Variants in SSH2 observed in about 807,000 individuals in gnomAD.
SSH2 encodes slingshot protein phosphatase 2, also known as protein phosphatase Slingshot homolog 2.
Under a neutral mutation model 135.2 loss-of-function variants are expected in SSH2, and 37 were observed. The observed-to-expected ratio is 0.27, with a 90% CI of 0.21 to 0.36. SSH2 has a LOEUF of 0.36. Among genes scored for constraint, SSH2 ranks in the 10% least tolerant of loss-of-function variants. SSH2 has a pLI of 1.00. For synonymous variants in SSH2, 628 were observed against 646.2 expected (o/e 0.97, Z 0.43); for missense variants, 1,408 against 1,765.3 (o/e 0.80, Z 3.63).
rs1361747070 is a variant in SSH2 at position 29,766,840 on chromosome 17, C to A, written c.188+27054G>T. ...ATTACAGAGTAATGCAACATTCTGTCTCCTGTTAATCTGTAAAACACTAGG... is the reference window on the plus strand; with the variant it reads ...ATTACAGAGTAATGCAACATTCTGTATCCTGTTAATCTGTAAAACACTAGG... On this transcript the variant is annotated intron_variant, in intron 3 of 15. Coordinates refer to ENST00000540801, the MANE Select transcript of SSH2 (RefSeq NM_001282129.2). 4.1e-4 allele frequency among the ~76,000 whole-genome samples: 62 copies of A among 152,112 alleles called. 2 individuals are homozygous for A. The highest frequency in any genetic ancestry group is 4.1e-3 in the Admixed American group (62 of 15,262).
intron 3 of SSH2, among the ~76,000 whole-genome samples, chr17:29,743,357 G>C (rs2040636691): frequency 6.6e-6 from 1 of 151,988 alleles, no homozygotes; most frequent in Admixed American, 6.6e-5. Context: ...GAAGAGCACT[G>C]ACATTCAATA....
chr17:29,901,908 C>G (rs776619175), intron 1 of SSH2, among the ~76,000 whole-genome samples: 3 of 152,084 alleles, frequency 2.0e-5, no homozygotes, highest in Non-Finnish European at 4.4e-5. Context: ...CTCAGCCTCT[C>G]AAGTAGTAAG....
intron 11 of SSH2, among the ~76,000 whole-genome samples, chr17:29,658,372 G>T (rs2036877543): frequency 6.6e-6 from 1 of 151,948 alleles, no homozygotes; most frequent in South Asian, 2.1e-4. Flanking sequence ...GCTATTCACA[G>T]GTGCTATCAT....
At chr17:29,767,133 G>T (rs1177681932) in intron 3 of SSH2, among the ~76,000 whole-genome samples, 2 of 152,130 alleles carry the variant, frequency 1.3e-5, no homozygotes, top group Non-Finnish European at 2.9e-5. Context: ...ACACTGAAAA[G>T]ATCTGCCTAT....
intron 3 of SSH2, among the ~76,000 whole-genome samples, chr17:29,792,162 C>T (rs1272811928): frequency 6.6e-6 from 1 of 151,854 alleles, no homozygotes; most frequent in Non-Finnish European, 1.5e-5. Context: ...CTTGGCCTAC[C>T]AAAGTGCTGG....
intron 1 of SSH2, among the ~76,000 whole-genome samples, chr17:29,883,440 A>G (rs941294494): frequency 2.4e-4 from 36 of 152,240 alleles, no homozygotes; most frequent in African/African-American, 8.7e-4. Flanking sequence ...GCTAATCTCT[A>G]TAGTAGTCAG....
Position 29,676,892 on chromosome 17 carries a change from A to T in SSH2, c.549-7T>A. 1.9e-6 allele frequency: 3 copies of T among 1,612,750 alleles called. No homozygotes were observed. Among genetic ancestry groups the T allele is most frequent in the East Asian group, 4.5e-5 (2 of 44,834 alleles). ...CGTCGATACACTGAACCCACTAAGGACAAATGAGAACAAGACAAAAATCCA... is the reference window on the plus strand; with the variant it reads ...CGTCGATACACTGAACCCACTAAGGTCAAATGAGAACAAGACAAAAATCCA... On this transcript the variant is annotated splice_region_variant and splice_polypyrimidine_tract_variant and intron_variant, in intron 7 of 15. Transcript: ENST00000540801.
intron 3 of SSH2, among the ~76,000 whole-genome samples, chr17:29,724,528 C>CAAAAAAA (rs1174810786): frequency 2.0e-4 from 12 of 60,568 alleles, no homozygotes; most frequent in Admixed American, 2.7e-4. Context: ...AACTCTGTCT[C>CAAAAAAA]AAAAAAAAAA....
At chr17:29,771,493 A>C (rs1567964136) in intron 3 of SSH2, among the ~76,000 whole-genome samples, 1 of 152,200 alleles carries the variant, frequency 6.6e-6, no homozygotes, top group African/African-American at 2.4e-5. Context: ...TACATTAATG[A>C]TGGAAGTTCT....
At chr17:29,788,684 A>G (rs2042013262) in intron 3 of SSH2, among the ~76,000 whole-genome samples, 1 of 141,054 alleles carries the variant, frequency 7.1e-6, no homozygotes, top group African/African-American at 2.7e-5. Flanking sequence ...ATCTATCTCT[A>G]TGAGATACCC....
intron 1 of SSH2, among the ~76,000 whole-genome samples, chr17:29,906,688 T>C (rs2066659387): frequency 6.6e-6 from 1 of 151,736 alleles, no homozygotes; most frequent in African/African-American, 2.4e-5. Context: ...ACAACCCCAT[T>C]TAAAAAGTGG....
chr17:29,719,299 T>A (rs528865431), intron 3 of SSH2, among the ~76,000 whole-genome samples: 1 of 152,228 alleles, frequency 6.6e-6, no homozygotes, highest in African/African-American at 2.4e-5. Context: ...GGGAGTTGTG[T>A]GATGGTCATG....
rs1445750481 is a variant in SSH2, at chr17:29,632,186, G to A, written c.3008C>T (p.Thr1003Ile). 6.2e-7 allele frequency: 1 copy of A among 1,614,042 alleles called. No homozygotes were observed. The highest frequency in any genetic ancestry group is 1.3e-5 in the African/African-American group (1 of 75,024). ...PDPQEGPGSD[T>I]GTQQEGVLKD... ...CAGGACTCCTTCCTGCTGTGTTCCA[G>A]TATCTGACCCTGGGCCCTCCTGAGG... Residue 1003 changes from threonine (T) to isoleucine (I), a missense_variant, in exon 16 of 16, where the codon ACT becomes ATT. By Grantham distance (89) the Thr-to-Ile change is moderately conservative (BLOSUM62 -1). Around this residue, in one of 3 missense-constraint regions of SSH2, gnomAD observed 1,080 missense variants for 1,144.5 expected, o/e 0.94. Transcript: ENST00000540801.
chr17:29,677,034 T>C, intron 7 of SSH2, 149 bp from the exon 8 acceptor site: 1 of 648,116 alleles, frequency 1.5e-6, no homozygotes, highest in South Asian at 1.9e-5. Flanking sequence ...AACTAGAGTG[T>C]AAGACTTGAC....
At chr17:29,830,861 A>G (rs558601553) in intron 2 of SSH2, among the ~76,000 whole-genome samples, 4 of 152,260 alleles carry the variant, frequency 2.6e-5, no homozygotes, top group African/African-American at 9.6e-5. Context: ...TTCAAGATAG[A>G]GATGTAGAAC....
intron 3 of SSH2, among the ~76,000 whole-genome samples, chr17:29,729,919 G>A (rs1019347544): frequency 6.6e-6 from 1 of 152,052 alleles, no homozygotes; most frequent in Non-Finnish European, 1.5e-5. Context: ...AAGTGGGGAT[G>A]GCTAATGGGT....
At chr17:29,828,249 C>T (rs1205275905) in intron 2 of SSH2, among the ~76,000 whole-genome samples, 3 of 152,142 alleles carry the variant, frequency 2.0e-5, no homozygotes, top group Non-Finnish European at 2.9e-5. Context: ...TTTTTCCTTT[C>T]GTAGCACTTG....
At position 29,759,549 on chromosome 17, in the gene SSH2, G is replaced by A. The variant is rs118046572; in HGVS notation, c.188+34345C>T. 5.9e-3 allele frequency among the ~76,000 whole-genome samples: 893 copies of A among 152,096 alleles called. 8 individuals carry two copies. The highest frequency in any genetic ancestry group is 6.6e-3 in the Non-Finnish European group (447 of 67,984). On this transcript the variant is annotated intron_variant, in intron 3 of 15. Coordinates refer to ENST00000540801, the MANE Select transcript of SSH2 (RefSeq NM_001282129.2). The stretch of plus-strand genomic sequence containing the variant: ...TTTCATCTTCCTCAAATGAAACTTT[G>A]TTCTCTTCAAATACAAATTTCCTAC...
chr17:29,924,788 G>C (rs1256473255), intron 1 of SSH2, among the ~76,000 whole-genome samples: 1 of 152,128 alleles, frequency 6.6e-6, no homozygotes, highest in South Asian at 2.1e-4. Flanking sequence ...ACATTTATAA[G>C]ATTTATGTAT....
Sources: gnomAD v4.1 joint callset for allele counts (sites outside exome capture counted in the v4.1 genomes callset) on GRCh38, gnomAD v4.1.1 for gene constraint, gnomAD v4.1.1 regional missense constraint, MANE v1.5 for transcripts, NCBI Gene and HGNC (gene_info 2026-07-23, HGNC 2026-07-21) for gene names.